Variants in SLC2A13 observed in about 807,000 individuals in gnomAD.
The protein encoded by SLC2A13 is proton myo-inositol cotransporter.
SLC2A13 carries 32 observed loss-of-function variants against 64.4 expected under a neutral mutation model. The observed-to-expected ratio is 0.50, with a 90% CI of 0.37 to 0.67. SLC2A13 has a LOEUF of 0.67. SLC2A13 is among the 30% of genes least tolerant of loss of function. The pLI is 0.00. For synonymous variants in SLC2A13, 338 were observed against 327.1 expected (o/e 1.03, Z -0.36); for missense variants, 743 against 829.2 (o/e 0.90, Z 1.28).
intron 1 of SLC2A13, among the ~76,000 whole-genome samples, chr12:40,054,966 T>A (rs1212888482): frequency 2.6e-5 from 4 of 152,182 alleles, no homozygotes; most frequent in Non-Finnish European, 5.9e-5. Context: ...TTGCAAATTA[T>A]TGCTTTATCA....
intron 3 of SLC2A13, among the ~76,000 whole-genome samples, chr12:40,014,878 G>C (rs1156320192): frequency 6.6e-6 from 1 of 152,130 alleles, no homozygotes; most frequent in African/African-American, 2.4e-5. Flanking sequence ...TTTTATTTGA[G>C]ATTATTATAG....
intron 7 of SLC2A13, among the ~76,000 whole-genome samples, chr12:39,770,132 G>C (rs1448613616): frequency 6.6e-6 from 1 of 151,760 alleles, no homozygotes; most frequent in Non-Finnish European, 1.5e-5. Context: ...CTAAATATAG[G>C]TGTCCTCTAA....
chr12:39,946,142 C>T (rs189036098), intron 4 of SLC2A13, among the ~76,000 whole-genome samples: 10 of 152,296 alleles, frequency 6.6e-5, no homozygotes, highest in South Asian at 6.2e-4. Flanking sequence ...GGTCTAGCCA[C>T]GCAGCGAGTC....
intron 6 of SLC2A13, among the ~76,000 whole-genome samples, chr12:39,841,858 C>G (rs1465600096): frequency 6.6e-6 from 1 of 151,868 alleles, no homozygotes; most frequent in East Asian, 1.9e-4. Flanking sequence ...GCAAACAGAC[C>G]AAGTAAGTCG....
At chr12:39,993,483 G>C (rs1448898792) in intron 3 of SLC2A13, among the ~76,000 whole-genome samples, 5 of 152,228 alleles carry the variant, frequency 3.3e-5, no homozygotes, top group African/African-American at 7.2e-5. Flanking sequence ...GTGTGAGCCA[G>C]TTGCTAGGAA....
intron 1 of SLC2A13, among the ~76,000 whole-genome samples, chr12:40,074,874 T>C (rs1376877604): frequency 6.6e-6 from 1 of 152,178 alleles, no homozygotes; most frequent in Non-Finnish European, 1.5e-5. Context: ...GCCTCTGGAC[T>C]GGGAACTTCA....
chr12:40,017,556 C>A, intron 3 of SLC2A13, among the ~76,000 whole-genome samples: 1 of 152,138 alleles, frequency 6.6e-6, no homozygotes, highest in East Asian at 1.9e-4. Context: ...GCTTTGACTG[C>A]AATTCAAGGC....
chr12:39,835,028 G>A (rs993912369), intron 6 of SLC2A13, among the ~76,000 whole-genome samples: 1 of 152,040 alleles, frequency 6.6e-6, no homozygotes, highest in African/African-American at 2.4e-5. Context: ...AACGTGGCCT[G>A]ATGAATTTCG....
In SLC2A13 at chr12:40,105,404, C is replaced by T. The variant is rs941745170; in HGVS notation, c.405G>A (p.Ala135=). Residue 135 remains alanine (A), a synonymous_variant, in exon 1 of 10, where the codon GCG becomes GCA. Coordinates refer to ENST00000280871, the MANE Select transcript of SLC2A13 (RefSeq NM_052885.4). The surrounding 1 kb of genome is among the most constrained non-coding windows in gnomAD (Gnocchi z 4.2). The part of the protein sequence containing the change: ...SSTVGAAAVS[A]LAGGALNGVF... Reference sequence around the variant, plus strand: ...CGCCGTTGAGGGCGCCTCCGGCCAGCGCCGAGACGGCAGCCGCCCCCACCG... The same window carrying T: ...CGCCGTTGAGGGCGCCTCCGGCCAGTGCCGAGACGGCAGCCGCCCCCACCG... 1 of 1,552,336 alleles carries T rather than the reference C, an allele frequency of 6.4e-7. No homozygotes were observed. The highest frequency in any genetic ancestry group is 8.7e-7 in the Non-Finnish European group (1 of 1,149,350).
intron 7 of SLC2A13, among the ~76,000 whole-genome samples, chr12:39,785,449 C>T (rs753916814): frequency 2.0e-5 from 3 of 152,206 alleles, no homozygotes; most frequent in Non-Finnish European, 4.4e-5. Flanking sequence ...TATGGAAATG[C>T]CTGGATGCCC....
chr12:40,001,264 C>T (rs1420922885), intron 3 of SLC2A13, among the ~76,000 whole-genome samples: 3 of 152,156 alleles, frequency 2.0e-5, no homozygotes, highest in Non-Finnish European at 4.4e-5. Flanking sequence ...GAGGGGAACA[C>T]AAATAACAAG....
chr12:40,102,214 C>T (rs1479134857), intron 1 of SLC2A13, among the ~76,000 whole-genome samples: 1 of 152,202 alleles, frequency 6.6e-6, no homozygotes, highest in Non-Finnish European at 1.5e-5. Flanking sequence ...TGAACACCTC[C>T]AGGGTGGGAT....
chr12:39,875,749 A>C (rs1345915249), intron 4 of SLC2A13, among the ~76,000 whole-genome samples: 1 of 152,218 alleles, frequency 6.6e-6, no homozygotes, highest in Non-Finnish European at 1.5e-5. Context: ...TAATTTTAAA[A>C]GTCAGGTCAT....
rs146511456 is a variant in SLC2A13 at position 39,824,661 on chromosome 12, T to C, written c.1445+5442A>G. On this transcript the variant is annotated intron_variant, in intron 7 of 9. Transcript: ENST00000280871. ...CACACTGCTACTGCTAAGTGGCACA[T>C]AGTGTCAGCCCTGTGAGGTGTTCCA... Among the ~76,000 whole-genome samples the C allele has an allele frequency of 3.9e-5, 6 of 152,282 alleles. No individual in the cohort carries two copies. The East Asian group carries it at 1.2e-3, about 29-fold the overall frequency.
chr12:39,876,756 C>G (rs1437278589), intron 4 of SLC2A13, among the ~76,000 whole-genome samples: 1 of 152,004 alleles, frequency 6.6e-6, no homozygotes, highest in Non-Finnish European at 1.5e-5. Flanking sequence ...TTTTTTCTGG[C>G]ATGGGACTAT....
At chr12:39,804,500 C>G (rs1461359513) in intron 7 of SLC2A13, among the ~76,000 whole-genome samples, 1 of 152,118 alleles carries the variant, frequency 6.6e-6, no homozygotes, top group African/African-American at 2.4e-5. Flanking sequence ...ATTTACTGTA[C>G]TCATGCTTAT....
chr12:39,907,249 T>G (rs1375960098), intron 4 of SLC2A13, among the ~76,000 whole-genome samples: 1 of 152,136 alleles, frequency 6.6e-6, no homozygotes, highest in African/African-American at 2.4e-5. Context: ...TATTTTCACT[T>G]CCATGATAAT....
chr12:39,881,158 T>C (rs976232265), intron 4 of SLC2A13, among the ~76,000 whole-genome samples: 3 of 152,050 alleles, frequency 2.0e-5, no homozygotes, highest in African/African-American at 4.8e-5. Context: ...CCAATAAAGG[T>C]TGAGTTATTT....
chr12:39,765,200 T>C (rs2135714331), intron 7 of SLC2A13, among the ~76,000 whole-genome samples: 1 of 152,188 alleles, frequency 6.6e-6, no homozygotes, highest in East Asian at 1.9e-4. Context: ...TTTGCAATCA[T>C]GACAAGATTC....
Sources: allele counts gnomAD v4.1 joint callset (sites outside exome capture counted in the v4.1 genomes callset), GRCh38; gene constraint gnomAD v4.1.1; non-coding constraint Gnocchi (gnomAD v3.1); transcripts MANE v1.5; gene names NCBI Gene and HGNC (gene_info 2026-07-23, HGNC 2026-07-21).